The following DHRSX variants were observed in gnomAD, a reference collection of about 807,000 sequenced individuals.
DHRSX encodes the protein dehydrogenase/reductase X-linked.
A neutral mutation model predicts 34.0 loss-of-function variants in DHRSX; 31 were observed. The ratio of observed to expected loss-of-function variants is 0.91; its 90% CI spans 0.69 to 1.23. The LOEUF (loss-of-function observed/expected upper bound fraction) is 1.23. DHRSX is among the 50% of genes most tolerant of loss of function. The pLI, the probability that DHRSX is intolerant of heterozygous loss-of-function variation, is 0.00. For missense variants in DHRSX, 414 were observed against 428.1 expected (o/e 0.97, Z 0.29); for synonymous variants, 201 against 183.8 (o/e 1.09, Z -0.76).
chrX:2,349,782 C>T (rs749005323), intron 3 of DHRSX, among the ~76,000 whole-genome samples: 1 of 152,196 alleles, frequency 6.6e-6, no homozygotes, highest in Admixed American at 6.5e-5. Context: ...TGGCTCACGC[C>T]TGTAATTCCA....
At chrX:2,419,944 T>C (rs1349281230) in intron 2 of DHRSX, among the ~76,000 whole-genome samples, 1 of 152,072 alleles carries the variant, frequency 6.6e-6, no homozygotes, top group Non-Finnish European at 1.5e-5. Context: ...GTTGTGCACA[T>C]GTACCCTAAA....
At chrX:2,483,128 C>G (rs1226153650) in intron 1 of DHRSX, among the ~76,000 whole-genome samples, 1 of 152,126 alleles carries the variant, frequency 6.6e-6, no homozygotes, top group Non-Finnish European at 1.5e-5. Context: ...CTCTTTTGCC[C>G]AGGCTGCACG....
At chrX:2,269,548 T>A (rs2041521421) in intron 4 of DHRSX, among the ~76,000 whole-genome samples, 4 of 152,192 alleles carry the variant, frequency 2.6e-5, no homozygotes, top group Admixed American at 1.3e-4. Flanking sequence ...TATTTATTTA[T>A]TTTTTGAGGA....
At chrX:2,255,348 CAG>C (rs1405409566) in intron 5 of DHRSX, among the ~76,000 whole-genome samples, 3 of 152,218 alleles carry the variant, frequency 2.0e-5, no homozygotes, top group African/African-American at 4.8e-5. Flanking sequence ...TCTCAGAACA[CAG>C]GGGGAACATG....
At chrX:2,364,601 CTATT>C (rs1450621460) in intron 3 of DHRSX, among the ~76,000 whole-genome samples, 2 of 152,172 alleles carry the variant, frequency 1.3e-5, no homozygotes, top group African/African-American at 4.8e-5. Context: ...TATCATTTAT[CTATT>C]TACCATTTAC....
chrX:2,262,479 T>C (rs1256271268), intron 5 of DHRSX, among the ~76,000 whole-genome samples: 1 of 151,970 alleles, frequency 6.6e-6, no homozygotes, highest in African/African-American at 2.4e-5. Flanking sequence ...ACCTCATCTG[T>C]GCCCACAGGT....
chrX:2,262,639 A>G (rs1301459251), intron 5 of DHRSX, among the ~76,000 whole-genome samples: 2 of 152,146 alleles, frequency 1.3e-5, no homozygotes, highest in African/African-American at 4.8e-5. Context: ...CATGAAGGAG[A>G]AGCAGCCCCT....
At chrX:2,252,089 T>C (rs1195475073) in intron 5 of DHRSX, among the ~76,000 whole-genome samples, 1 of 151,804 alleles carries the variant, frequency 6.6e-6, no homozygotes, top group Non-Finnish European at 1.5e-5. Context: ...AATACAAAAA[T>C]TAGCAGGGCG....
intron 5 of DHRSX, among the ~76,000 whole-genome samples, chrX:2,254,064 A>C (rs2016504750): frequency 6.6e-6 from 1 of 152,028 alleles, no homozygotes. Context: ...TGTCTCAAAA[A>C]AAAACAAAAA....
intron 1 of DHRSX, among the ~76,000 whole-genome samples, chrX:2,439,799 CA>C (rs2090008051): frequency 2.0e-5 from 3 of 152,092 alleles, no homozygotes; most frequent in Non-Finnish European, 2.9e-5. Flanking sequence ...CCACTGATCT[CA>C]TAGGAGGCAG....
At chrX:2,390,808 T>A (rs1461515089) in intron 3 of DHRSX, among the ~76,000 whole-genome samples, 1 of 152,248 alleles carries the variant, frequency 6.6e-6, no homozygotes, top group Non-Finnish European at 1.5e-5. Context: ...GCAGCATGCA[T>A]CTGAATATCC....
chrX:2,309,433 TAAA>T (rs903912280), intron 3 of DHRSX, among the ~76,000 whole-genome samples: 2 of 152,154 alleles, frequency 1.3e-5, no homozygotes, highest in African/African-American at 2.4e-5. Flanking sequence ...AATGTAAACT[TAAA>T]GAAGTCTTCC....
chrX:2,455,965 C>T lies in DHRSX; in HGVS notation c.110-30661G>A, dbSNP rs149616823. Among the ~76,000 whole-genome samples the T allele has an allele frequency of 9.7e-3, 1,474 of 152,048 alleles. 25 individuals carry two copies. Among genetic ancestry groups the T allele is most frequent in the African/African-American group, 0.033 (1,366 of 41,502 alleles). ...CCTGCTCTGGGCTTCCACAAATCCC[C>T]GAGACTTAATAAGACACCTGGCTCC... On this transcript the variant is annotated intron_variant, in intron 1 of 6. Transcript: ENST00000334651.
At chrX:2,370,792 GC>G (rs1385968013) in intron 3 of DHRSX, among the ~76,000 whole-genome samples, 2 of 151,964 alleles carry the variant, frequency 1.3e-5, no homozygotes, top group African/African-American at 4.8e-5. Context: ...CTCCTATCAG[GC>G]CCCGGGATGT....
At chrX:2,387,183 A>T (rs1395833398) in intron 3 of DHRSX, among the ~76,000 whole-genome samples, 1 of 152,180 alleles carries the variant, frequency 6.6e-6, no homozygotes, top group Non-Finnish European at 1.5e-5. Flanking sequence ...TTTTGAAATC[A>T]ACATGAGTTT....
At chrX:2,363,121 G>A (rs1293280200) in intron 3 of DHRSX, among the ~76,000 whole-genome samples, 18 of 126,554 alleles carry the variant, frequency 1.4e-4, no homozygotes, top group Admixed American at 8.1e-4. Context: ...TTTTATCACC[G>A]TTCTATGGTA....
chrX:2,293,457 G>T (rs1477759740), intron 3 of DHRSX, among the ~76,000 whole-genome samples: 3 of 152,162 alleles, frequency 2.0e-5, no homozygotes, highest in African/African-American at 7.2e-5. Context: ...ATCTCTGAGG[G>T]AAGAAGCAAG....
chrX:2,341,760 A>C (rs2042643866), intron 3 of DHRSX, among the ~76,000 whole-genome samples: 1 of 152,184 alleles, frequency 6.6e-6, no homozygotes, highest in Non-Finnish European at 1.5e-5. Flanking sequence ...TAAGAAATAA[A>C]ATATTACAAA....
intron 1 of DHRSX, among the ~76,000 whole-genome samples, chrX:2,469,513 C>T (rs1237576913): frequency 2.0e-5 from 3 of 150,836 alleles, no homozygotes; most frequent in Non-Finnish European, 4.4e-5. Context: ...TAACAGACTG[C>T]GACCATGTAC....
Sources: gnomAD v4.1 joint callset for allele counts (sites outside exome capture counted in the v4.1 genomes callset) on GRCh38, gnomAD v4.1.1 for gene constraint, MANE v1.5 for transcripts, NCBI Gene and HGNC (gene_info 2026-07-23, HGNC 2026-07-21) for gene names.